DISC1: variants seen among roughly 807,000 people sequenced by gnomAD.
The protein encoded by DISC1 is DISC1 scaffold protein, also known as disrupted in schizophrenia 1 protein.
DISC1 carries 57 observed loss-of-function variants against 84.5 expected under a neutral mutation model. The observed-to-expected ratio is 0.67, with a 90% CI of 0.55 to 0.84. The LOEUF is 0.84. DISC1 is among the 40% of genes least tolerant of loss of function. The pLI, the probability that DISC1 is intolerant of heterozygous loss-of-function variation, is 0.00. For synonymous variants in DISC1, 411 were observed against 415.2 expected (o/e 0.99, Z 0.12); for missense variants, 1,000 against 1,057.8 (o/e 0.95, Z 0.76).
At chr1:231,980,167 C>T (rs1441436548) in intron 10 of DISC1, among the ~76,000 whole-genome samples, 2 of 152,172 alleles carry the variant, frequency 1.3e-5, no homozygotes, top group East Asian at 3.8e-4. Flanking sequence ...TATCCTTCTA[C>T]TGCTTTTTAA....
chr1:232,003,631 A>G (rs1666982293), intron 10 of DISC1, among the ~76,000 whole-genome samples: 1 of 152,150 alleles, frequency 6.6e-6, no homozygotes, highest in South Asian at 2.1e-4. Flanking sequence ...AGTGAACACA[A>G]TGCTCATTCT....
chr1:231,927,029 G>C (rs970846316), intron 9 of DISC1, among the ~76,000 whole-genome samples: 1 of 152,234 alleles, frequency 6.6e-6, no homozygotes, highest in Non-Finnish European at 1.5e-5. Flanking sequence ...ACTGTGGTGA[G>C]AGTTTTGGCT....
intron 9 of DISC1, among the ~76,000 whole-genome samples, chr1:231,920,080 A>G (rs1039374900): frequency 6.6e-5 from 10 of 152,130 alleles, no homozygotes; most frequent in Admixed American, 2.0e-4. Context: ...ACTAGATGCT[A>G]GTGCCTCCCC....
intron 6 of DISC1, among the ~76,000 whole-genome samples, chr1:231,772,004 G>A (rs1185733040): frequency 6.6e-6 from 1 of 150,778 alleles, no homozygotes; most frequent in Non-Finnish European, 1.5e-5. Flanking sequence ...TGCAGAAATG[G>A]TGTCTCTCTA....
At chr1:231,637,246 A>T (rs1013383767) in intron 1 of DISC1, among the ~76,000 whole-genome samples, 2 of 152,214 alleles carry the variant, frequency 1.3e-5, no homozygotes, top group Non-Finnish European at 2.9e-5. Flanking sequence ...GCTATTGTAC[A>T]TAGTGCTGCA....
chr1:231,904,587 G>A (rs1234266630), intron 9 of DISC1, among the ~76,000 whole-genome samples: 1 of 152,194 alleles, frequency 6.6e-6, no homozygotes, highest in Non-Finnish European at 1.5e-5. Context: ...TCAAGGCAGT[G>A]TGTATATGTA....
chr1:231,911,504 C>T (rs985406859), intron 9 of DISC1, among the ~76,000 whole-genome samples: 1 of 152,130 alleles, frequency 6.6e-6, no homozygotes, highest in Non-Finnish European at 1.5e-5. Context: ...AATATTGGCC[C>T]CCACTCTTCT....
chr1:231,868,735 T>TATATATATATATATATATATATATA (rs2085244887), intron 9 of DISC1, among the ~76,000 whole-genome samples: 8 of 120,652 alleles, frequency 6.6e-5, no homozygotes, highest in South Asian at 2.8e-4. Flanking sequence ...TATATATATA[T>TATATATATATATATATATATATATA]TTAGCTGGGC....
chr1:232,004,088 A>G (rs2806473), intron 10 of DISC1, among the ~76,000 whole-genome samples: 43,459 of 151,416 alleles, frequency 0.29, 6,504 homozygotes, highest in African/African-American at 0.34. Flanking sequence ...AAAAATTAAG[A>G]GCTTTAAATA....
chr1:231,992,977 C>G (rs950975146), intron 10 of DISC1, among the ~76,000 whole-genome samples: 1 of 152,066 alleles, frequency 6.6e-6, no homozygotes, highest in African/African-American at 2.4e-5. Flanking sequence ...CGTCTGTAGA[C>G]AAAACCCAGA....
At chr1:231,812,817 C>T (rs1401417278) in intron 8 of DISC1, among the ~76,000 whole-genome samples, 1 of 152,164 alleles carries the variant, frequency 6.6e-6, no homozygotes, top group African/African-American at 2.4e-5. Context: ...CCAATTTCAG[C>T]AGTCAGAGAG....
chr1:231,827,022 T>G (rs1048603063), intron 9 of DISC1, among the ~76,000 whole-genome samples: 2 of 152,180 alleles, frequency 1.3e-5, no homozygotes, highest in Non-Finnish European at 2.9e-5. Context: ...AGAGTCTCAG[T>G]CTATTGCCAA....
chr1:232,012,139 T>C (rs1246229925), intron 11 of DISC1, among the ~76,000 whole-genome samples: 12 of 147,150 alleles, frequency 8.2e-5, no homozygotes, highest in Admixed American at 8.1e-4. Flanking sequence ...AAATGCTTTT[T>C]GCATGCATAA....
intron 6 of DISC1, among the ~76,000 whole-genome samples, chr1:231,789,535 T>C (rs571128455): frequency 2.0e-5 from 3 of 152,274 alleles, no homozygotes; most frequent in African/African-American, 4.8e-5. Context: ...TCAGAGACGA[T>C]TGCAGCATTT....
chr1:231,849,312 G>A (rs2083699361), intron 9 of DISC1, among the ~76,000 whole-genome samples: 1 of 152,086 alleles, frequency 6.6e-6, no homozygotes. Context: ...TAGAGACGGG[G>A]TTTCTCCCTG....
chr1:231,952,243 C>T (rs1472350226), intron 9 of DISC1, among the ~76,000 whole-genome samples: 1 of 152,062 alleles, frequency 6.6e-6, no homozygotes, highest in East Asian at 1.9e-4. Context: ...GTTAATTTTC[C>T]TTCTCTCTGT....
chr1:231,629,366 C>T (rs767210281), intron 1 of DISC1: 22 of 152,928 alleles, frequency 1.4e-4, no homozygotes, highest in African/African-American at 4.6e-4. Context: ...GGCTGGGCCC[C>T]GGGACTTTTC....
chr1:231,974,143 T>A (rs984545238), intron 10 of DISC1, among the ~76,000 whole-genome samples: 1 of 151,994 alleles, frequency 6.6e-6, no homozygotes, highest in South Asian at 2.1e-4. Context: ...AGAACCATGA[T>A]TGGGGTGTCT....
chr1:231,668,352 T>C (rs1459964037), intron 1 of DISC1, among the ~76,000 whole-genome samples: 1 of 152,196 alleles, frequency 6.6e-6, no homozygotes, highest in African/African-American at 2.4e-5. Context: ...CTTTAGATAT[T>C]ATAACATGTG....
Sources: gnomAD v4.1 joint callset for allele counts (sites outside exome capture counted in the v4.1 genomes callset) on GRCh38, gnomAD v4.1.1 for gene constraint, MANE v1.5 for transcripts, NCBI Gene and HGNC (gene_info 2026-07-23, HGNC 2026-07-21) for gene names.